ZNF461: variants seen among roughly 807,000 people sequenced by gnomAD.
ZNF461 encodes zinc finger protein 461.
In ZNF461, 16 loss-of-function variants were observed where a neutral mutation model predicts 18.3. That is an observed-to-expected ratio of 0.88 (90% confidence interval 0.59 to 1.33). The LOEUF is 1.33. Ranked by LOEUF, ZNF461 falls within the 40% of genes most tolerant of loss-of-function variation. ZNF461 has a pLI of 0.00. For missense variants in ZNF461, 595 were observed against 669.9 expected, an observed-to-expected ratio of 0.89 and a Z score of 1.23; for synonymous variants, 179 against 216.9, an observed-to-expected ratio of 0.83 and a Z score of 1.54.
At chr19:36,643,756 A>G (rs1436339227) in intron 5 of ZNF461, 38 bp downstream of exon 5, 20 of 1,480,454 alleles carry the variant, frequency 1.4e-5, no homozygotes, top group Non-Finnish European at 1.7e-5. Flanking sequence ...TGTTACCAGT[A>G]CTTCTACTGT....
intron 1 of ZNF461, among the ~76,000 whole-genome samples, chr19:36,665,391 C>T (rs770519130): frequency 6.6e-6 from 1 of 152,142 alleles, no homozygotes; most frequent in Non-Finnish European, 1.5e-5. Context: ...TGAATACAGA[C>T]AAAAGGACAT....
intron 4 of ZNF461, among the ~76,000 whole-genome samples, chr19:36,650,269 C>T (rs1251051261): frequency 1.3e-5 from 2 of 152,088 alleles, no homozygotes; most frequent in Non-Finnish European, 2.9e-5. Flanking sequence ...TACATATATA[C>T]ATCCTTTATA....
intron 4 of ZNF461, among the ~76,000 whole-genome samples, chr19:36,648,733 C>T (rs1317186713): frequency 6.6e-6 from 1 of 152,080 alleles, no homozygotes; most frequent in Non-Finnish European, 1.5e-5. Context: ...GTGCATGCCA[C>T]CATGCCTGGC....
intron 4 of ZNF461, among the ~76,000 whole-genome samples, chr19:36,655,466 G>A (rs541808829): frequency 6.6e-6 from 1 of 152,192 alleles, no homozygotes; most frequent in Admixed American, 6.5e-5. Flanking sequence ...ATGCATGGTG[G>A]CATGGGCCTG....
intron 4 of ZNF461, among the ~76,000 whole-genome samples, chr19:36,655,683 A>G (rs866678272): frequency 2.0e-5 from 3 of 152,162 alleles, no homozygotes; most frequent in Middle Eastern, 3.2e-3. Flanking sequence ...ATGTAGTCCC[A>G]TTTGTCTGTT....
At chr19:36,658,262 C>T (rs2037758246) in intron 3 of ZNF461, 37 bp downstream of exon 3, 1 of 1,570,448 alleles carries the variant, frequency 6.4e-7, no homozygotes, top group Non-Finnish European at 8.7e-7. Flanking sequence ...TAGCGGAATT[C>T]TGAATTGTCA....
Position 36,638,812 on chromosome 19 carries a change from G to A in ZNF461, c.1533C>T (p.Ser511=). Residue 511 remains serine (S), a synonymous_variant, in exon 6 of 6, where the codon AGC becomes AGT. Coordinates refer to ENST00000588268, the MANE Select transcript of ZNF461 (RefSeq NM_153257.5). ...ECGKAFSYHS[S]FSHHQRIHSG... The stretch of plus-strand genomic sequence containing the variant: ...AATGAATTCTCTGATGGTGTGAGAA[G>A]CTTGAATGATAGCTAAAGGCCTTCC... 6.2e-7 allele frequency: 1 copy of A among 1,614,134 alleles called. No homozygotes were observed. Among genetic ancestry groups the A allele is most frequent in the Non-Finnish European group, 8.5e-7 (1 of 1,180,012 alleles).
intron 5 of ZNF461, 42 bp from the exon 6 acceptor site, chr19:36,640,085 AT>A: frequency 6.8e-7 from 1 of 1,477,438 alleles, no homozygotes; most frequent in Non-Finnish European, 9.1e-7. Flanking sequence ...GTTTTGTACT[AT>A]AAGAGAAATA....
At position 36,645,807 on chromosome 19, in the gene ZNF461, TG is replaced by T. The variant is rs542427590; in HGVS notation, c.233-1946del. Among the ~76,000 whole-genome samples the T allele has an allele frequency of 3.7e-3, 559 of 152,280 alleles. 1 individual carries two copies. Among genetic ancestry groups the T allele is most frequent in the Non-Finnish European group, 6.0e-3 (405 of 68,020 alleles). Reference sequence around the variant, plus strand: ...CTTTATTTTATTTATTTTTTTGAGATGGAGTCTAGCTCTGTTTCCCAAGCTG... The same window carrying T: ...CTTTATTTTATTTATTTTTTTGAGATGAGTCTAGCTCTGTTTCCCAAGCTG... On this transcript the variant is annotated intron_variant, in intron 4 of 5. Coordinates refer to ENST00000588268, the MANE Select transcript of ZNF461 (RefSeq NM_153257.5).
intron 4 of ZNF461, among the ~76,000 whole-genome samples, chr19:36,653,770 A>G (rs761130006): frequency 9.9e-5 from 15 of 152,192 alleles, no homozygotes; most frequent in Non-Finnish European, 7.3e-5. Context: ...GCAGCCTACA[A>G]TTCAAGATGA....
At chr19:36,650,815 A>T (rs924181884) in intron 4 of ZNF461, among the ~76,000 whole-genome samples, 2 of 150,642 alleles carry the variant, frequency 1.3e-5, no homozygotes, top group Non-Finnish European at 3.0e-5. Flanking sequence ...TATTATATAA[A>T]TATGATAAAT....
intron 4 of ZNF461, among the ~76,000 whole-genome samples, chr19:36,649,954 A>G (rs972827669): frequency 2.0e-5 from 3 of 152,098 alleles, no homozygotes; most frequent in African/African-American, 7.2e-5. Context: ...AGGTGGGTGG[A>G]TCATGAGGTC....
chr19:36,636,974 C>T lies in ZNF461; in HGVS notation c.*1679G>A, dbSNP rs79569955. Among the ~76,000 whole-genome samples the T allele has an allele frequency of 6.4e-3, 975 of 152,216 alleles. 7 individuals are homozygous for T. The highest frequency in any genetic ancestry group is 0.026 in the South Asian group (124 of 4,828). On this transcript the variant is annotated 3_prime_UTR_variant, in exon 6 of 6. Transcript: ENST00000588268. ...GCAGGTCACACTCTGGTCATAGGAA[C>T]GTGATGGCAATTAGGAGGCTTTCCT...
intron 4 of ZNF461, among the ~76,000 whole-genome samples, chr19:36,653,366 G>A (rs1044553624): frequency 6.6e-6 from 1 of 152,176 alleles, no homozygotes; most frequent in Non-Finnish European, 1.5e-5. Flanking sequence ...CAAAGGACAA[G>A]TATTGCAGGA....
In ZNF461 at chr19:36,656,740, G is replaced by T. The variant is rs183756053; in HGVS notation, c.137-197C>A. The stretch of plus-strand genomic sequence containing the variant: ...CATAACAAACAAAGCAAACAAACAG[G>T]CGATAAAATAGTACTTAAATTTATG... On this transcript the variant is annotated intron_variant, in intron 3 of 5. Coordinates refer to ENST00000588268, the MANE Select transcript of ZNF461 (RefSeq NM_153257.5). Among the ~76,000 whole-genome samples the T allele has an allele frequency of 1.3e-3, 193 of 151,848 alleles. 2 individuals carry two copies. The highest frequency in any genetic ancestry group is 4.5e-3 in the African/African-American group (188 of 41,466).
Position 36,639,311 on chromosome 19 carries a change from G to A in ZNF461, c.1034C>T (p.Thr345Ile), listed in dbSNP as rs753377198. 99 of 1,613,900 alleles carry A rather than the reference G, an allele frequency of 6.1e-5. No homozygotes were observed. In the East Asian group the frequency reaches 2.2e-3, roughly 35 times the overall value. Residue 345 changes from threonine (T) to isoleucine (I), a missense_variant, in exon 6 of 6, where the codon ACT becomes ATT. By Grantham distance (89) the Thr-to-Ile change is moderately conservative. Transcript: ENST00000588268. The stretch of plus-strand genomic sequence containing the variant: ...TCCAGTATGGAGTCGCAGGTGTTCA[G>A]TAAGTTGAAAGCCACGAATAAAAGC... ...GKAFIRGFQL[T>I]EHLRLHTGEK...
chr19:36,656,360 A>G (rs971641393), intron 4 of ZNF461, 88 bp downstream of exon 4: 5 of 1,059,298 alleles, frequency 4.7e-6, no homozygotes, highest in African/African-American at 1.6e-5. Context: ...AGGTTTTCCC[A>G]AAGTTTGGTT....
chr19:36,658,160 A>G, intron 3 of ZNF461, 139 bp downstream of exon 3: 1 of 865,548 alleles, frequency 1.2e-6, no homozygotes, highest in Non-Finnish European at 1.8e-6. Flanking sequence ...TTTCTACAAT[A>G]CATAAAGAGA....
At chr19:36,645,201 A>G (rs7245414) in intron 4 of ZNF461, 101,181 of 152,076 alleles carry the variant, frequency 0.67, 33,946 homozygotes, top group East Asian at 0.82. Flanking sequence ...GCACTCCAGC[A>G]TGGGTAACAG....
Sources: allele counts gnomAD v4.1 joint callset (sites outside exome capture counted in the v4.1 genomes callset), GRCh38; gene constraint gnomAD v4.1.1; transcripts MANE v1.5; gene names NCBI Gene and HGNC (gene_info 2026-07-23, HGNC 2026-07-21).